The following TRPC1 variants were observed in gnomAD, a reference collection of about 807,000 sequenced individuals.
The protein encoded by TRPC1 is transient receptor potential cation channel subfamily C member 1.
Under a neutral mutation model 88.2 loss-of-function variants are expected in TRPC1, and 42 were observed. That is an observed-to-expected ratio of 0.48 (90% confidence interval 0.37 to 0.62). TRPC1 has a LOEUF of 0.62. Ranked by LOEUF, TRPC1 falls within the 20% of genes least tolerant of loss-of-function variation. The probability of loss-of-function intolerance (pLI) is 0.00; values close to 1 mark genes in which losing one functional copy is unlikely to be tolerated. For synonymous variants in TRPC1, 288 were observed against 331.8 expected, an observed-to-expected ratio of 0.87 and a Z score of 1.43; for missense variants, 699 against 957.3, an observed-to-expected ratio of 0.73 and a Z score of 3.56.
At chr3:142,768,310 G>A (rs1577978934) in intron 4 of TRPC1, among the ~76,000 whole-genome samples, 1 of 151,976 alleles carries the variant, frequency 6.6e-6, no homozygotes, top group African/African-American at 2.4e-5. Flanking sequence ...ATCTTTTTCT[G>A]TGTCAGTTTT....
At chr3:142,761,798 T>C (rs896751813) in intron 4 of TRPC1, among the ~76,000 whole-genome samples, 2 of 152,170 alleles carry the variant, frequency 1.3e-5, no homozygotes, top group African/African-American at 4.8e-5. Context: ...GGCTCAATCA[T>C]GGTAGGTTGT....
At chr3:142,771,578 CTATT>C (rs989441416) in intron 4 of TRPC1, among the ~76,000 whole-genome samples, 28 of 152,270 alleles carry the variant, frequency 1.8e-4, no homozygotes, top group South Asian at 6.2e-4. Flanking sequence ...CATATTCTAT[CTATT>C]AATATTACTA....
At chr3:142,802,534 G>A (rs910711529) in intron 10 of TRPC1, among the ~76,000 whole-genome samples, 190 bp downstream of exon 10, 1 of 152,040 alleles carries the variant, frequency 6.6e-6, no homozygotes, top group African/African-American at 2.4e-5. Context: ...ATCTTAAATA[G>A]TGGGTCCAAG....
chr3:142,762,132 C>T (rs1013881586), intron 4 of TRPC1, among the ~76,000 whole-genome samples: 2 of 152,030 alleles, frequency 1.3e-5, no homozygotes, highest in African/African-American at 4.8e-5. Flanking sequence ...ACCTCCTATG[C>T]TCAAGTGATC....
At chr3:142,750,015 A>G (rs2108049145) in intron 4 of TRPC1, among the ~76,000 whole-genome samples, 1 of 152,334 alleles carries the variant, frequency 6.6e-6, no homozygotes, top group African/African-American at 2.4e-5. Context: ...GGCATGGGCA[A>G]AGACTTCATG....
intron 3 of TRPC1, among the ~76,000 whole-genome samples, chr3:142,745,414 C>A (rs774412076): frequency 2.6e-5 from 4 of 152,086 alleles, no homozygotes; most frequent in Admixed American, 6.5e-5. Flanking sequence ...GAGGCCGAGG[C>A]GGGTGGAACA....
chr3:142,724,523 GC>G lies in TRPC1; in HGVS notation c.-32del. On this transcript the variant is annotated 5_prime_UTR_variant, in exon 1 of 13. Coordinates refer to ENST00000476941, the MANE Select transcript of TRPC1 (RefSeq NM_001251845.2). The surrounding 1 kb of genome is among the most constrained non-coding windows in gnomAD (Gnocchi z 5.6). ...CGGGGTCGGGGCCGGTGGGGGCCCC[GC>G]CCCCGTCTCCTGGCCTGCCCCCTTC... 2 of 1,428,920 alleles carry G rather than the reference GC, an allele frequency of 1.4e-6. No individual in the cohort carries two copies. Among genetic ancestry groups the G allele is most frequent in the Non-Finnish European group, 9.2e-7 (1 of 1,090,350 alleles). 88.5% of individuals were successfully genotyped at this position (1,428,920 alleles called of 1,614,324 possible).
intron 1 of TRPC1, among the ~76,000 whole-genome samples, chr3:142,731,537 A>T (rs1933912750): frequency 6.6e-6 from 1 of 151,382 alleles, no homozygotes; most frequent in Non-Finnish European, 1.5e-5. Flanking sequence ...GGTGCCCCCC[A>T]CCATGCCCGG....
intron 4 of TRPC1, among the ~76,000 whole-genome samples, chr3:142,764,360 C>T (rs1935314538): frequency 6.6e-6 from 1 of 151,878 alleles, no homozygotes; most frequent in African/African-American, 2.4e-5. Flanking sequence ...GTTTTTATAC[C>T]TTGAACATTT....
chr3:142,773,577 G>A (rs1935653613), intron 4 of TRPC1, among the ~76,000 whole-genome samples: 1 of 144,356 alleles, frequency 6.9e-6, no homozygotes, highest in Admixed American at 7.1e-5. Context: ...TCACTCTGCA[G>A]GCAGTTTTTT....
chr3:142,777,483 T>G (rs995148625), intron 4 of TRPC1, 149 bp from the exon 5 acceptor site: 1 of 461,136 alleles, frequency 2.2e-6, no homozygotes. Flanking sequence ...TTAAGTCTTT[T>G]TATGGAGGTT....
At chr3:142,752,113 GAAAT>G (rs932777300) in intron 4 of TRPC1, among the ~76,000 whole-genome samples, 155 of 152,254 alleles carry the variant, frequency 1.0e-3, no homozygotes, top group African/African-American at 3.7e-3. Context: ...ACGGAGAAAA[GAAAT>G]AAGACACAGA....
intron 6 of TRPC1, among the ~76,000 whole-genome samples, chr3:142,784,310 A>C (rs1414295022): frequency 6.6e-6 from 1 of 152,160 alleles, no homozygotes; most frequent in East Asian, 1.9e-4. Flanking sequence ...AAGTAAGCTA[A>C]TAATAATAGT....
At chr3:142,731,431 C>T (rs79983570) in intron 1 of TRPC1, among the ~76,000 whole-genome samples, 1 of 129,150 alleles carries the variant, frequency 7.7e-6, no homozygotes, top group African/African-American at 3.1e-5. Context: ...GTCGCCCAGG[C>T]TAGAGTGCAG....
At chr3:142,745,642 A>G (rs1934518423) in intron 3 of TRPC1, among the ~76,000 whole-genome samples, 1 of 152,176 alleles carries the variant, frequency 6.6e-6, no homozygotes, top group Non-Finnish European at 1.5e-5. Flanking sequence ...AAACTCTTCT[A>G]AAACAAAAAA....
rs751991306 is a variant in TRPC1 at position 142,724,531 on chromosome 3, C to A, written c.-29C>A. 2 of 1,515,992 alleles carry A rather than the reference C, an allele frequency of 1.3e-6. No individual in the cohort carries two copies. The highest frequency in any genetic ancestry group is 1.2e-5 in the South Asian group (1 of 81,082). 93.9% of individuals were successfully genotyped at this position (1,515,992 alleles called of 1,614,324 possible). A position where few individuals can be genotyped will look rare whatever the true frequency, so the allele number is the denominator to read the frequency against. ...GGGCCGGTGGGGGCCCCGCCCCCGT[C>A]TCCTGGCCTGCCCCCTTCATGGGCC... On this transcript the variant is annotated 5_prime_UTR_variant, in exon 1 of 13. Coordinates refer to ENST00000476941, the MANE Select transcript of TRPC1 (RefSeq NM_001251845.2). This position sits in a 1 kb window ranked among gnomAD's most constrained non-coding sequence, Gnocchi z 5.6.
Position 142,736,494 on chromosome 3 carries a change from C to T in TRPC1, c.288C>T (p.Asn96=), listed in dbSNP as rs1248832140. Residue 96 remains asparagine (N), a synonymous_variant, in exon 2 of 13, where the codon AAC becomes AAT. Coordinates refer to ENST00000476941, the MANE Select transcript of TRPC1 (RefSeq NM_001251845.2). ...TTACCATAACTATTGAAAACGAAAA[C>T]TTGGATATACTGCAGCTTCTTTTGG... The part of the protein sequence containing the change: ...NAVTITIENE[N]LDILQLLLDY... 1 of 1,611,302 alleles carries T rather than the reference C, an allele frequency of 6.2e-7. No homozygotes were observed. The highest frequency in any genetic ancestry group is 1.1e-5 in the South Asian group (1 of 90,652).
At chr3:142,745,604 G>A (rs942430344) in intron 3 of TRPC1, among the ~76,000 whole-genome samples, 13 of 152,050 alleles carry the variant, frequency 8.5e-5, no homozygotes, top group African/African-American at 2.9e-4. Flanking sequence ...AGATCGAGCC[G>A]CTGCACTCCA....
At chr3:142,751,564 T>C (rs1934764844) in intron 4 of TRPC1, among the ~76,000 whole-genome samples, 1 of 152,194 alleles carries the variant, frequency 6.6e-6, no homozygotes, top group Admixed American at 6.5e-5. Flanking sequence ...TGTTACACAA[T>C]GCATGACTGT....
Sources: gnomAD v4.1 joint callset for allele counts (sites outside exome capture counted in the v4.1 genomes callset) on GRCh38, gnomAD v4.1.1 for gene constraint, Gnocchi (gnomAD v3.1) non-coding constraint, MANE v1.5 for transcripts, NCBI Gene and HGNC (gene_info 2026-07-23, HGNC 2026-07-21) for gene names.